The following ENTPD1 variants were observed in gnomAD, a reference collection of about 807,000 sequenced individuals.
ENTPD1 encodes ectonucleoside triphosphate diphosphohydrolase 1.
In ENTPD1, 33 loss-of-function variants were observed where a neutral mutation model predicts 57.0. The ratio of observed to expected loss-of-function variants is 0.58; its 90% CI spans 0.44 to 0.77. ENTPD1 has a LOEUF of 0.77. ENTPD1 is among the 30% of genes least tolerant of loss of function. The pLI is 0.00. For synonymous variants in ENTPD1, 202 were observed against 218.8 expected (o/e 0.92, Z 0.68); for missense variants, 501 against 603.4 (o/e 0.83, Z 1.78).
chr10:95,715,926 G>A (rs1442629024), intron 1 of ENTPD1, among the ~76,000 whole-genome samples: 2 of 152,118 alleles, frequency 1.3e-5, no homozygotes, highest in African/African-American at 4.8e-5. Context: ...GTGCAGTGGT[G>A]TGATCATGGA....
chr10:95,703,081 G>A, the ENTPD1 span, among the ~76,000 whole-genome samples: 4 of 151,794 alleles, frequency 2.6e-5, no homozygotes, highest in Admixed American at 2.0e-4. Flanking sequence ...CACCGCGCCC[G>A]GCCTACACCT....
chr10:95,859,209 G>A (rs541164856), intron 7 of ENTPD1, among the ~76,000 whole-genome samples: 2 of 152,334 alleles, frequency 1.3e-5, no homozygotes, highest in African/African-American at 4.8e-5. Context: ...AATTGGAACT[G>A]AGGCATACGG....
At chr10:95,727,017 C>A (rs886836485) in intron 1 of ENTPD1, among the ~76,000 whole-genome samples, 1 of 152,142 alleles carries the variant, frequency 6.6e-6, no homozygotes, top group East Asian at 1.9e-4. Context: ...GAAGCTCCTT[C>A]GTCAGTGTTT....
At chr10:95,819,377 C>A (rs907289712) in intron 1 of ENTPD1, among the ~76,000 whole-genome samples, 1 of 152,032 alleles carries the variant, frequency 6.6e-6, no homozygotes, top group Non-Finnish European at 1.5e-5. Context: ...TGTTACCCCC[C>A]AGTCTCAAAC....
chr10:95,798,243 G>C (rs908037925), intron 1 of ENTPD1, among the ~76,000 whole-genome samples: 1 of 152,180 alleles, frequency 6.6e-6, no homozygotes, highest in African/African-American at 2.4e-5. Flanking sequence ...ATATTTGTGT[G>C]AACAGCTTTA....
intron 1 of ENTPD1, among the ~76,000 whole-genome samples, chr10:95,800,739 T>C (rs2098245943): frequency 2.0e-5 from 3 of 152,306 alleles, no homozygotes; most frequent in Non-Finnish European, 4.4e-5. Flanking sequence ...AAAATATGGC[T>C]GTATTCTGCC....
In ENTPD1 at chr10:95,844,569, T is replaced by C. The variant is rs1211068563; in HGVS notation, c.507T>C (p.Ile169=). The change falls in exon 5 of 10, where the codon ATT becomes ATC. Residue 169 remains isoleucine, a synonymous_variant. Transcript: ENST00000371205. ...YPFDFQGARI[I]TGQEEGAYGW... ...TTGACTTCCAGGGTGCCAGGATCAT[T>C]ACTGGCCAAGAGGAAGGTGCCTATG... 1 of 1,614,160 alleles carries C rather than the reference T, an allele frequency of 6.2e-7. No individual in the cohort carries two copies. The highest frequency in any genetic ancestry group is 1.7e-5 in the Admixed American group (1 of 60,028).
intron 1 of ENTPD1, among the ~76,000 whole-genome samples, chr10:95,777,433 G>A (rs539213558): frequency 2.0e-5 from 3 of 152,210 alleles, no homozygotes; most frequent in Non-Finnish European, 4.4e-5. Context: ...GTCCACTCCA[G>A]ACCCTGTTTT....
chr10:95,868,805 T>C lies in ENTPD1; in HGVS notation c.*2422T>C. The C allele has an allele frequency of 1.0e-6, 1 of 985,340 alleles. No homozygotes were observed. The highest frequency in any genetic ancestry group is 1.2e-6 in the Non-Finnish European group (1 of 829,910). The allele number at this position is 985,340 out of a possible 1,614,324, so 61.0% of individuals were successfully genotyped here. A position where few individuals can be genotyped will look rare whatever the true frequency, so the allele number is the denominator to read the frequency against. On this transcript the variant is annotated 3_prime_UTR_variant, in exon 10 of 10. Transcript: ENST00000371205. ...TCTCCTTCAGAGAACACAAATCTTT[T>C]CTTATTCCATTCCTGTTTGGTTGCC...
At chr10:95,767,226 G>T (rs1180318297) in intron 1 of ENTPD1, among the ~76,000 whole-genome samples, 1 of 147,600 alleles carries the variant, frequency 6.8e-6, no homozygotes, top group Non-Finnish European at 1.5e-5. Flanking sequence ...TGAGGCAGGA[G>T]AATGGTGTGA....
At chr10:95,733,157 C>A (rs1405731736) in intron 1 of ENTPD1, among the ~76,000 whole-genome samples, 1 of 152,178 alleles carries the variant, frequency 6.6e-6, no homozygotes, top group Non-Finnish European at 1.5e-5. Flanking sequence ...AGACCTACCC[C>A]TGGGAATGCA....
chr10:95,768,167 A>G lies in ENTPD1; in HGVS notation c.16+11912A>G, dbSNP rs114679425. Among the ~76,000 whole-genome samples the G allele has an allele frequency of 5.0e-3, 756 of 152,304 alleles. 8 individuals carry two copies. Among genetic ancestry groups the G allele is most frequent in the African/African-American group, 0.018 (730 of 41,562 alleles). ...AAAACAGACTCAGAAGTTGAGGACA[A>G]CTGTTTTTTAGCCTGAATGGTTTTT... On this transcript the variant is annotated intron_variant, in intron 1 of 9. Transcript: ENST00000371205.
chr10:95,744,336 A>G (rs117246566), intron 1 of ENTPD1, among the ~76,000 whole-genome samples: 5,137 of 152,154 alleles, frequency 0.034, 119 homozygotes, highest in Non-Finnish European at 0.049. Flanking sequence ...GACTTTACTC[A>G]CATCTAAAGT....
At position 95,842,498 on chromosome 10, in the gene ENTPD1, T is replaced by C. The variant is rs1475496065; in HGVS notation, c.413+4T>C. The stretch of plus-strand genomic sequence containing the variant: ...CGGCAGGCATGCGGTTGCTCAGGTA[T>C]AGCAGCATGTAGGGACCAAGAGTAT... On this transcript the variant is annotated splice_donor_region_variant and intron_variant, in intron 4 of 9. Transcript: ENST00000371205. The C allele has an allele frequency of 6.2e-7, 1 of 1,612,738 alleles. No homozygotes were observed. Among genetic ancestry groups the C allele is most frequent in the African/African-American group, 1.3e-5 (1 of 74,824 alleles).
intron 2 of ENTPD1, among the ~76,000 whole-genome samples, chr10:95,829,879 TC>T (rs754895515): frequency 1.1e-4 from 16 of 152,242 alleles, no homozygotes; most frequent in Admixed American, 2.6e-4. Context: ...ATTAATCCAT[TC>T]ATGGATAAAT....
At chr10:95,718,760 C>G (rs528088517) in intron 1 of ENTPD1, among the ~76,000 whole-genome samples, 2 of 152,320 alleles carry the variant, frequency 1.3e-5, no homozygotes, top group East Asian at 3.9e-4. Flanking sequence ...ACTGCATACC[C>G]CACTTTTCGA....
chr10:95,720,636 C>T (rs1041352683), intron 1 of ENTPD1, among the ~76,000 whole-genome samples: 1 of 152,194 alleles, frequency 6.6e-6, no homozygotes. Context: ...TGGGCTGGTG[C>T]TTGCCACAGG....
intron 1 of ENTPD1, among the ~76,000 whole-genome samples, chr10:95,718,630 A>G (rs376700462): frequency 2.2e-4 from 33 of 152,178 alleles, no homozygotes; most frequent in East Asian, 9.6e-4. Flanking sequence ...GTCTGTATAT[A>G]TATTTACCCT....
At chr10:95,760,465 C>T (rs1342956826) in intron 1 of ENTPD1, among the ~76,000 whole-genome samples, 1 of 152,174 alleles carries the variant, frequency 6.6e-6, no homozygotes, top group Non-Finnish European at 1.5e-5. Context: ...GGCAGAAGTA[C>T]AGAGTTTATC....
Sources: allele counts gnomAD v4.1 joint callset (sites outside exome capture counted in the v4.1 genomes callset), GRCh38; gene constraint gnomAD v4.1.1; transcripts MANE v1.5; gene names NCBI Gene and HGNC (gene_info 2026-07-23, HGNC 2026-07-21).